Variants in MYOM2 observed in about 807,000 individuals in gnomAD.
MYOM2 encodes the protein myomesin 2, also known as myomesin-2.
Under a neutral mutation model 187.6 loss-of-function variants are expected in MYOM2, and 254 were observed. The observed-to-expected ratio is 1.35, with a 90% confidence interval of 1.22 to 1.50. The LOEUF is 1.50. Among genes scored for constraint, MYOM2 ranks in the 40% most tolerant of loss-of-function variants. MYOM2 has a pLI of 0.00. For missense variants in MYOM2, 2,796 were observed against 1,924.0 expected (o/e 1.45, Z -8.48); for synonymous variants, 981 against 753.8 (o/e 1.30, Z -4.94).
chr8:2,093,865 A>T (rs1796389425), intron 16 of MYOM2, 105 bp from the exon 17 acceptor site: 1 of 1,344,934 alleles, frequency 7.4e-7, no homozygotes, highest in South Asian at 1.4e-5. Flanking sequence ...GATGTATGTT[A>T]TCCATAAAAA....
intron 14 of MYOM2, among the ~76,000 whole-genome samples, chr8:2,086,410 GGCC>G (rs1796061706): frequency 7.3e-6 from 1 of 137,860 alleles, no homozygotes; most frequent in Non-Finnish European, 1.5e-5. Flanking sequence ...ATCTCTGCGT[GGCC>G]TCCCACTGTT....
intron 17 of MYOM2, among the ~76,000 whole-genome samples, chr8:2,095,704 C>G (rs772079450): frequency 6.6e-6 from 1 of 152,138 alleles, no homozygotes; most frequent in Non-Finnish European, 1.5e-5. Flanking sequence ...CAGGCCCATC[C>G]GTTCTCGACC....
At chr8:2,114,414 G>A (rs1358894025) in intron 25 of MYOM2, among the ~76,000 whole-genome samples, 2 of 152,168 alleles carry the variant, frequency 1.3e-5, no homozygotes, top group African/African-American at 4.8e-5. Flanking sequence ...GGCAGGGAGG[G>A]GGAACTGTGT....
At chr8:2,051,599 G>C (rs73184801) in intron 2 of MYOM2, among the ~76,000 whole-genome samples, 1 of 152,198 alleles carries the variant, frequency 6.6e-6, no homozygotes, top group Non-Finnish European at 1.5e-5. Flanking sequence ...GCCAAACAAA[G>C]CCAAACATTT....
At chr8:2,103,283 G>A (rs565070514) in intron 21 of MYOM2, among the ~76,000 whole-genome samples, 19 of 150,758 alleles carry the variant, frequency 1.3e-4, no homozygotes, top group Admixed American at 4.6e-4. Flanking sequence ...ATGTGTATAT[G>A]TGTATGTATG....
At chr8:2,098,669 G>A (rs778874167) in intron 18 of MYOM2, among the ~76,000 whole-genome samples, 188 bp from the exon 19 acceptor site, 5 of 152,188 alleles carry the variant, frequency 3.3e-5, no homozygotes, top group Non-Finnish European at 2.9e-5. Flanking sequence ...TGAAGGACAC[G>A]TAAGGTTTCA....
At position 2,092,478 on chromosome 8, in the gene MYOM2, A is replaced by C. The variant is rs555265683; in HGVS notation, c.1961A>C (p.Asn654Thr). 6 of 1,613,986 alleles carry C rather than the reference A, an allele frequency of 3.7e-6. No individual in the cohort carries two copies. Among genetic ancestry groups the C allele is most frequent in the Non-Finnish European group, 5.1e-6 (6 of 1,179,958 alleles). ...GTGGACTGCTGTGTGGCCGGAACCA[A>C]CCTCTGGGAGCCCTGCAACCACAAG... ...YYVDCCVAGT[N>T]LWEPCNHKPI... is the part of the protein sequence containing the mutation. The change falls in exon 16 of 37, where the codon AAC becomes ACC. Residue 654 changes from asparagine to threonine, a missense_variant. Asn to Thr is a moderately conservative substitution (Grantham distance 65, BLOSUM62 0). Coordinates refer to ENST00000262113, the MANE Select transcript of MYOM2 (RefSeq NM_003970.4).
At chr8:2,113,954 C>A (rs746983739) in intron 25 of MYOM2, among the ~76,000 whole-genome samples, 2 of 152,114 alleles carry the variant, frequency 1.3e-5, no homozygotes, top group African/African-American at 4.8e-5. Flanking sequence ...CATTGTCTGG[C>A]GAGACAGACA....
intron 8 of MYOM2, among the ~76,000 whole-genome samples, chr8:2,070,953 A>C (rs1819193452): frequency 6.6e-6 from 1 of 151,818 alleles, no homozygotes; most frequent in Admixed American, 6.6e-5. Context: ...GTGGCTTTTT[A>C]AATTTTTTAT....
intron 27 of MYOM2, among the ~76,000 whole-genome samples, chr8:2,116,827 G>C (rs1797261658): frequency 6.6e-6 from 1 of 152,038 alleles, no homozygotes; most frequent in African/African-American, 2.4e-5. Context: ...ATGCCATCTT[G>C]GCTCACTGCA....
At chr8:2,091,862 C>G (rs926124173) in intron 15 of MYOM2, among the ~76,000 whole-genome samples, 1 of 152,212 alleles carries the variant, frequency 6.6e-6, no homozygotes, top group Non-Finnish European at 1.5e-5. Flanking sequence ...CTTACCTGAC[C>G]TCAGTCCGCA....
intron 10 of MYOM2, among the ~76,000 whole-genome samples, chr8:2,074,761 C>T (rs1027829026): frequency 3.3e-5 from 5 of 152,218 alleles, no homozygotes; most frequent in African/African-American, 1.2e-4. Context: ...CCGGCCCCAC[C>T]TACGCTTTTA....
chr8:2,071,737 A>C (rs1028474495), intron 8 of MYOM2, among the ~76,000 whole-genome samples: 1 of 152,208 alleles, frequency 6.6e-6, no homozygotes, highest in African/African-American at 2.4e-5. Flanking sequence ...GTTTACGAAC[A>C]GCAAACACTT....
chr8:2,070,325 G>C (rs576917735), intron 8 of MYOM2, among the ~76,000 whole-genome samples: 2 of 152,370 alleles, frequency 1.3e-5, no homozygotes, highest in South Asian at 2.1e-4. Flanking sequence ...AGAGTTGACC[G>C]AAGCAACGAT....
chr8:2,127,010 A>G (rs897932086), intron 31 of MYOM2, among the ~76,000 whole-genome samples: 10 of 150,694 alleles, frequency 6.6e-5, no homozygotes, highest in African/African-American at 2.2e-4. Context: ...GGAGAGGCTG[A>G]TAGAGGCTGG....
chr8:2,053,575 T>G (rs2129327833), intron 3 of MYOM2, among the ~76,000 whole-genome samples: 1 of 152,326 alleles, frequency 6.6e-6, no homozygotes, highest in African/African-American at 2.4e-5. Context: ...ATTCATATGG[T>G]TTTGGCAGCA....
At chr8:2,105,067 GC>G in intron 21 of MYOM2, among the ~76,000 whole-genome samples, 1 of 152,080 alleles carries the variant, frequency 6.6e-6, no homozygotes, top group East Asian at 1.9e-4. Context: ...CATGAGTGCT[GC>G]CCCCAGTCAT....
In MYOM2 at chr8:2,140,482, T is replaced by A. The variant is rs375742174; in HGVS notation, c.3801-241T>A. ...GAGTAATGTTAAGTCCATTATGTCG[T>A]GACAAGTATATATTACATAATAATA... On this transcript the variant is annotated intron_variant, in intron 32 of 36. Transcript: ENST00000262113. 3.3e-5 allele frequency among the ~76,000 whole-genome samples: 5 copies of A among 152,244 alleles called. No homozygotes were observed. In the South Asian group the frequency reaches 6.2e-4, roughly 19 times the overall value.
At position 2,116,017 on chromosome 8, in the gene MYOM2, T is replaced by C. The variant is rs1399917281; in HGVS notation, c.3238T>C (p.Phe1080Leu). The change falls in exon 26 of 37, where the codon TTT (phenylalanine) becomes CTT (leucine). Residue 1080 changes from phenylalanine (F) to leucine (L), a missense_variant. By Grantham distance (22) the Phe-to-Leu change is conservative. Coordinates refer to ENST00000262113, the MANE Select transcript of MYOM2 (RefSeq NM_003970.4). ...TGIIEMVMDRFSIENEGTYTV... is the reference protein window; with the variant it reads ...TGIIEMVMDRLSIENEGTYTV... ...CATTATTGAGATGGTGATGGATCGA[T>C]TTAGTATTGAAAATGAGGGGACCTA... The C allele has an allele frequency of 6.2e-7, 1 of 1,613,826 alleles. No homozygotes were observed. The highest frequency in any genetic ancestry group is 2.2e-5 in the East Asian group (1 of 44,838).
Sources: gnomAD v4.1 joint callset for allele counts (sites outside exome capture counted in the v4.1 genomes callset) on GRCh38, gnomAD v4.1.1 for gene constraint, MANE v1.5 for transcripts, NCBI Gene and HGNC (gene_info 2026-07-23, HGNC 2026-07-21) for gene names.